DNAJC11: variants seen among roughly 807,000 people sequenced by gnomAD.
DNAJC11 encodes dnaJ homolog subfamily C member 11.
A neutral mutation model predicts 78.6 loss-of-function variants in DNAJC11; 15 were observed. The observed-to-expected ratio is 0.19, with a 90% CI of 0.13 to 0.29. The LOEUF is 0.29. DNAJC11 is among the 10% of genes least tolerant of loss of function. The probability of loss-of-function intolerance (pLI) is 1.00; values close to 1 mark genes in which losing one functional copy is unlikely to be tolerated. For missense variants in DNAJC11, 547 were observed against 709.6 expected (o/e 0.77, Z 2.60); for synonymous variants, 292 against 272.1 (o/e 1.07, Z -0.72).
intron 3 of DNAJC11, among the ~76,000 whole-genome samples, chr1:6,677,590 C>T (rs1183633884): frequency 6.6e-6 from 1 of 152,194 alleles, no homozygotes. Flanking sequence ...AGCCACTTTG[C>T]CTGGGTCAGA....
intron 7 of DNAJC11, chr1:6,650,908 T>C: frequency 2.9e-6 from 1 of 342,444 alleles, no homozygotes; most frequent in Non-Finnish European, 6.1e-6. Flanking sequence ...AAACTCCATG[T>C]GCTCCATTCT....
intron 1 of DNAJC11, among the ~76,000 whole-genome samples, chr1:6,699,086 G>A (rs564011942): frequency 6.6e-5 from 10 of 151,600 alleles, no homozygotes; most frequent in Admixed American, 3.3e-4. Flanking sequence ...TGGGAGGATC[G>A]CTTGAGCTCA....
intron 9 of DNAJC11, 92 bp from the exon 10 acceptor site, chr1:6,644,766 C>T (rs569488181): frequency 2.6e-4 from 298 of 1,132,338 alleles, no homozygotes; most frequent in Non-Finnish European, 3.8e-4. Context: ...ACCTTCCCTT[C>T]CCTCCCTCCA....
At chr1:6,664,996 C>T (rs559308674) in intron 4 of DNAJC11, among the ~76,000 whole-genome samples, 1 of 152,182 alleles carries the variant, frequency 6.6e-6, no homozygotes, top group Non-Finnish European at 1.5e-5. Context: ...GGGATACAGC[C>T]TGCAAACCCC....
Position 6,635,683 on chromosome 1 carries a change from C to T in DNAJC11, c.1672G>A (p.Asp558Asn). The stretch of plus-strand genomic sequence containing the variant: ...ATCTGGTTCTTGGCAGTTTATCCAT[C>T]TGTATCGATCCTGTGGGCTGTAAAG... ...IPKQSHRIDT[D>N]G The change falls in exon 16 of 16, where the codon GAT becomes AAT. Residue 558 changes from aspartate (D) to asparagine (N), a missense_variant. Physicochemically the swap from Asp to Asn is conservative, Grantham distance 23. Transcript: ENST00000377577. 1 of 1,614,168 alleles carries T rather than the reference C, an allele frequency of 6.2e-7. No individual in the cohort carries two copies. Among genetic ancestry groups the T allele is most frequent in the South Asian group, 1.1e-5 (1 of 91,080 alleles).
At position 6,635,645 on chromosome 1, in the gene DNAJC11, C is replaced by T. The variant is rs528495735; in HGVS notation, c.*30G>A. The T allele has an allele frequency of 1.5e-5, 24 of 1,610,552 alleles. No homozygotes were observed. Among genetic ancestry groups the T allele is most frequent in the South Asian group, 7.7e-5 (7 of 90,478 alleles). On this transcript the variant is annotated 3_prime_UTR_variant, in exon 16 of 16. Coordinates refer to ENST00000377577, the MANE Select transcript of DNAJC11 (RefSeq NM_018198.4). ...TAGACTCCCAGGAAAAGATTTTTTGCGGCCTTTTAAAAATCTGGTTCTTGG... is the reference window on the plus strand; with the variant it reads ...TAGACTCCCAGGAAAAGATTTTTTGTGGCCTTTTAAAAATCTGGTTCTTGG...
Position 6,645,863 on chromosome 1 carries a change from A to G in DNAJC11, c.820T>C (p.Trp274Arg). The G allele has an allele frequency of 6.2e-7, 1 of 1,614,154 alleles. No homozygotes were observed. The highest frequency in any genetic ancestry group is 8.5e-7 in the Non-Finnish European group (1 of 1,180,022). ...KNTVGYLQWRWGIQSAMNTSI... is the reference protein window; with the variant it reads ...KNTVGYLQWRRGIQSAMNTSI... ...GTGTTCATGGCTGACTGGATACCCC[A>G]TCGCCACTGCAGGTAGCCCACGGTG... The change falls in exon 8 of 16, where the codon TGG becomes CGG. Residue 274 changes from tryptophan (W) to arginine (R), a missense_variant. Physicochemically the swap from Trp to Arg is moderately radical, Grantham distance 101 (BLOSUM62 -3). Coordinates refer to ENST00000377577, the MANE Select transcript of DNAJC11 (RefSeq NM_018198.4). The surrounding 1 kb of genome is among the most constrained non-coding windows in gnomAD (Gnocchi z 4.1).
At chr1:6,697,942 C>T (rs1642863885) in intron 1 of DNAJC11, among the ~76,000 whole-genome samples, 2 of 152,228 alleles carry the variant, frequency 1.3e-5, no homozygotes, top group Admixed American at 1.3e-4. Flanking sequence ...AGGCGCCCGC[C>T]ACCACGCCCG....
intron 1 of DNAJC11, among the ~76,000 whole-genome samples, chr1:6,700,283 T>A (rs192983203): frequency 4.3e-4 from 65 of 152,318 alleles, no homozygotes; most frequent in African/African-American, 1.5e-3. Flanking sequence ...CTATAAGAAC[T>A]AATGATAATC....
chr1:6,662,952 C>T (rs888089892), intron 4 of DNAJC11, among the ~76,000 whole-genome samples: 5 of 152,088 alleles, frequency 3.3e-5, no homozygotes, highest in East Asian at 1.9e-4. Context: ...ACACTCACCG[C>T]GAAGGTCCAT....
At position 6,640,071 on chromosome 1, in the gene DNAJC11, C is replaced by CAAAAAAA. The variant is rs56145914; in HGVS notation, c.1098-21_1098-15dup. ...GCCCTGTTGAGCCTGGGGAAAAATA[C>CAAAAAAA]AAAAAAAAAAAAAAAAAAGCCAAGA... On this transcript the variant is annotated splice_polypyrimidine_tract_variant and intron_variant, in intron 10 of 15. Transcript: ENST00000377577. The CAAAAAAA allele has an allele frequency of 7.4e-6, 9 of 1,219,046 alleles. No individual in the cohort carries two copies. Among genetic ancestry groups the CAAAAAAA allele is most frequent in the Admixed American group, 4.4e-5 (1 of 22,654 alleles). 75.5% of individuals were successfully genotyped at this position (1,219,046 alleles called of 1,614,324 possible). A position where few individuals can be genotyped will look rare whatever the true frequency, so the allele number is the denominator to read the frequency against.
chr1:6,697,675 G>A (rs1642859391), intron 1 of DNAJC11, among the ~76,000 whole-genome samples: 1 of 152,142 alleles, frequency 6.6e-6, no homozygotes, highest in South Asian at 2.1e-4. Context: ...CCATGGCCAG[G>A]GGGTTGAGGA....
At position 6,678,461 on chromosome 1, in the gene DNAJC11, C is replaced by G. The variant is rs765479606; in HGVS notation, c.209G>C (p.Ser70Thr). Residue 70 changes from serine to threonine, a missense_variant, in exon 3 of 16, where the codon AGT becomes ACT. Ser to Thr is a moderately conservative substitution (Grantham distance 58, BLOSUM62 1). Coordinates refer to ENST00000377577, the MANE Select transcript of DNAJC11 (RefSeq NM_018198.4). ...NLVHQAYEVL[S>T]DPQTRAIYDI... ...ATAGATGGCCCTGGTTTGGGGGTCACTAAGCACTGCAAATTAAAAATTAAA... is the reference window on the plus strand; with the variant it reads ...ATAGATGGCCCTGGTTTGGGGGTCAGTAAGCACTGCAAATTAAAAATTAAA... 8.7e-6 allele frequency: 14 copies of G among 1,610,688 alleles called. No homozygotes were observed. The highest frequency in any genetic ancestry group is 1.2e-5 in the Non-Finnish European group (14 of 1,179,028).
In DNAJC11 at chr1:6,667,698, C is replaced by T; in HGVS notation, c.378+11G>A. The T allele has an allele frequency of 6.2e-7, 1 of 1,613,150 alleles. No individual in the cohort carries two copies. The highest frequency in any genetic ancestry group is 1.1e-5 in the South Asian group (1 of 91,022). On this transcript the variant is annotated intron_variant, in intron 4 of 15. Transcript: ENST00000377577. ...ATGAAGTGTCCTCATGAAACGTGGC[C>T]CCTGGCTTACCTTGGGATTGGTTCG...
At chr1:6,656,023 A>C (rs200439) in intron 4 of DNAJC11, among the ~76,000 whole-genome samples, 31,724 of 149,780 alleles carry the variant, frequency 0.21, 3,765 homozygotes, top group Admixed American at 0.32. Flanking sequence ...AATTGCTTCA[A>C]CTTGTGAGGC....
At position 6,693,943 on chromosome 1, in the gene DNAJC11, C is replaced by A. The variant is rs1034454436; in HGVS notation, c.72+7786G>T. ...CAACCTCCACCTCCCAGCAGAGATT[C>A]TCCTGCTTCAGCCTTATGAGTAGCT... On this transcript the variant is annotated intron_variant, in intron 1 of 15. Coordinates refer to ENST00000377577, the MANE Select transcript of DNAJC11 (RefSeq NM_018198.4). Among the ~76,000 whole-genome samples the A allele has an allele frequency of 2.7e-5, 4 of 148,912 alleles. No homozygotes were observed. The South Asian group carries it at 8.6e-4, about 32-fold the overall frequency.
At chr1:6,662,929 C>A (rs995079821) in intron 4 of DNAJC11, among the ~76,000 whole-genome samples, 1 of 152,126 alleles carries the variant, frequency 6.6e-6, no homozygotes, top group Admixed American at 6.5e-5. Flanking sequence ...GGGTCCGCAC[C>A]ACCTTTAAGG....
At chr1:6,698,935 A>G (rs1481299794) in intron 1 of DNAJC11, among the ~76,000 whole-genome samples, 2 of 147,756 alleles carry the variant, frequency 1.4e-5, no homozygotes, top group African/African-American at 4.9e-5. Flanking sequence ...GTCTAATTAT[A>G]TATATAAATA....
rs142782199 is a variant in DNAJC11, at chr1:6,635,851, C to T, written c.1655-151G>A. The T allele has an allele frequency of 3.1e-4, 316 of 1,030,270 alleles. 1 individual carries two copies. In the African/African-American group the frequency reaches 4.1e-3, roughly 13 times the overall value. The allele number at this position is 1,030,270 out of a possible 1,614,324, so 63.8% of individuals were successfully genotyped here. A position where few individuals can be genotyped will look rare whatever the true frequency, so the allele number is the denominator to read the frequency against. On this transcript the variant is annotated intron_variant, in intron 15 of 15. Transcript: ENST00000377577. ...TGCTGAAAATCAACTGCTGCTGGAA[C>T]GTAGAGGTCTGCTTTCATCCCCCGC...
Sources: gnomAD v4.1 joint callset for allele counts (sites outside exome capture counted in the v4.1 genomes callset) on GRCh38, gnomAD v4.1.1 for gene constraint, Gnocchi (gnomAD v3.1) non-coding constraint, MANE v1.5 for transcripts, NCBI Gene and HGNC (gene_info 2026-07-23, HGNC 2026-07-21) for gene names.